TP53I11: variants seen among roughly 807,000 people sequenced by gnomAD.
The protein encoded by TP53I11 is tumor protein p53 inducible protein 11, also known as tumor protein p53-inducible protein 11.
In TP53I11, 9 loss-of-function variants were observed where a neutral mutation model predicts 23.3. That is an observed-to-expected ratio of 0.39 (90% CI 0.23 to 0.67). TP53I11 has a LOEUF of 0.67. Ranked by LOEUF, TP53I11 falls within the 30% of genes least tolerant of loss-of-function variation. The probability of loss-of-function intolerance (pLI) is 0.48; values close to 1 mark genes in which losing one functional copy is unlikely to be tolerated. For synonymous variants in TP53I11, 100 were observed against 106.1 expected, an observed-to-expected ratio of 0.94 and a Z score of 0.35; for missense variants, 170 against 255.2, an observed-to-expected ratio of 0.67 and a Z score of 2.27.
At chr11:44,949,129 CAG>C (rs1862674460) in intron 1 of TP53I11, among the ~76,000 whole-genome samples, 1 of 152,206 alleles carries the variant, frequency 6.6e-6, no homozygotes, top group South Asian at 2.1e-4. Context: ...GATGGGACAA[CAG>C]AAGCCTGGAG....
intron 1 of TP53I11, among the ~76,000 whole-genome samples, chr11:44,948,709 C>T (rs955566785): frequency 1.3e-5 from 2 of 152,246 alleles, no homozygotes; most frequent in Non-Finnish European, 2.9e-5. Flanking sequence ...TGGTGTAATG[C>T]TCACAAACAT....
Position 44,936,381 on chromosome 11 carries a change from T to A in TP53I11, c.334+422A>T. 8.1e-7 allele frequency: 1 copy of A among 1,229,240 alleles called. No homozygotes were observed. Among genetic ancestry groups the A allele is most frequent in the Admixed American group, 4.2e-5 (1 of 23,818 alleles). 76.1% of individuals were successfully genotyped at this position (1,229,240 alleles called of 1,614,324 possible). ...CAAATCCTAACGTGTGCATCTCAGG[T>A]TAGAGAGGAAACAGAAGTGGTTCAA... On this transcript the variant is annotated intron_variant, in intron 5 of 6. Coordinates refer to ENST00000525680, the MANE Select transcript of TP53I11 (RefSeq NM_006034.5). This position sits in a 1 kb window ranked among gnomAD's most constrained non-coding sequence, Gnocchi z 4.4.
Position 44,936,902 on chromosome 11 carries a change from G to T in TP53I11, c.238-3C>A, listed in dbSNP as rs1462896700. On this transcript the variant is annotated splice_polypyrimidine_tract_variant and splice_region_variant and intron_variant, in intron 4 of 6. Transcript: ENST00000525680. The surrounding 1 kb of genome is among the most constrained non-coding windows in gnomAD (Gnocchi z 4.4). The stretch of plus-strand genomic sequence containing the variant: ...AGCTGGTCAGGGAAGGCAAGCGCCT[G>T]CGGGCAGCGAGAGGGGCTCAGAGGT... 1 of 1,600,824 alleles carries T rather than the reference G, an allele frequency of 6.2e-7. No individual in the cohort carries two copies. Among genetic ancestry groups the T allele is most frequent in the Non-Finnish European group, 8.5e-7 (1 of 1,174,736 alleles).
Position 44,937,288 on chromosome 11 carries a change from G to A in TP53I11, c.237+16C>T. The A allele has an allele frequency of 1.3e-6, 2 of 1,521,478 alleles. No individual in the cohort carries two copies. Among genetic ancestry groups the A allele is most frequent in the East Asian group, 2.4e-5 (1 of 40,952 alleles). The allele number at this position is 1,521,478 out of a possible 1,614,324, so 94.2% of individuals were successfully genotyped here. Reference sequence around the variant, plus strand: ...CACACGGGGCCAGATCTCAGGGGCTGGGGGTGGGGGCTCACCATGATGGCA... The same window carrying A: ...CACACGGGGCCAGATCTCAGGGGCTAGGGGTGGGGGCTCACCATGATGGCA... On this transcript the variant is annotated intron_variant, in intron 4 of 6. Transcript: ENST00000525680.
rs1261354259 is a variant in TP53I11, at chr11:44,933,010, TGGC to T, written c.*1871_*1873del. On this transcript the variant is annotated 3_prime_UTR_variant, in exon 7 of 7. Coordinates refer to ENST00000525680, the MANE Select transcript of TP53I11 (RefSeq NM_006034.5). ...GCTTCGGCCTGAGGGCACTGCCCAT[TGGC>T]GGCACCACCTGTGGGCAGCAGCGGG... 4.0e-5 allele frequency: 5 copies of T among 124,856 alleles called. No homozygotes were observed. The highest frequency in any genetic ancestry group is 8.3e-5 in the Admixed American group (1 of 12,016). The allele number at this position is 124,856 out of a possible 1,614,324, so 7.7% of individuals were successfully genotyped here.
chr11:44,938,316 G>A lies in TP53I11; in HGVS notation c.20C>T (p.Pro7Leu), dbSNP rs1409410956. Residue 7 changes from proline (P) to leucine (L), a missense_variant, in exon 2 of 7, where the codon CCG becomes CTG. Transcript: ENST00000525680. MAAKQP[P>L]PLMKKHSQTD... ...CTGGCTGTGCTTCTTCATCAGAGGC[G>A]GGGGCTGCTTGGCCGCCATCTTCTC... is the stretch of plus-strand genomic sequence containing the variant. The A allele has an allele frequency of 1.2e-6, 2 of 1,606,672 alleles. No homozygotes were observed. The highest frequency in any genetic ancestry group is 1.1e-5 in the South Asian group (1 of 90,080).
upstream of TP53I11, chr11:44,950,983 G>C (rs1365857662): frequency 6.6e-6 from 1 of 151,924 alleles, no homozygotes; most frequent in African/African-American, 2.4e-5. Flanking sequence ...GGTGGCCGCC[G>C]GGGCGGGCGG....
In TP53I11 at chr11:44,933,046, G is replaced by GGTGCCTGTGGGAGGCAGCA. The variant is rs61352147; in HGVS notation, c.*1837_*1838insTGCTGCCTCCCACAGGCAC. The GGTGCCTGTGGGAGGCAGCA allele has an allele frequency of 6.6e-6, 1 of 152,120 alleles. No individual in the cohort carries two copies. Among genetic ancestry groups the GGTGCCTGTGGGAGGCAGCA allele is most frequent in the Non-Finnish European group, 1.5e-5 (1 of 68,056 alleles). The allele number at this position is 152,120 out of a possible 1,614,324, so 9.4% of individuals were successfully genotyped here. A position where few individuals can be genotyped will look rare whatever the true frequency, so the allele number is the denominator to read the frequency against. On this transcript the variant is annotated 3_prime_UTR_variant, in exon 7 of 7. Transcript: ENST00000525680. ...CCTGTGGGCAGCAGCGGGAGGCAGT[G>GGTGCCTGTGGGAGGCAGCA]GTGGCTCGTGGCCAGACCAGGGCTC... is the stretch of plus-strand genomic sequence containing the variant.
chr11:44,934,568 G>C lies in TP53I11; in HGVS notation c.*316C>G, dbSNP rs1860872619. On this transcript the variant is annotated 3_prime_UTR_variant, in exon 7 of 7. Transcript: ENST00000525680. ...TTAGCCCACTACCCTCATGACTCCA[G>C]CCTGACTTTAGTCAGTGTCTATTGA... 3.3e-6 allele frequency: 1 copy of C among 305,674 alleles called. No individual in the cohort carries two copies. The highest frequency in any genetic ancestry group is 4.4e-5 in the South Asian group (1 of 22,506). 18.9% of individuals were successfully genotyped at this position (305,674 alleles called of 1,614,324 possible). A position where few individuals can be genotyped will look rare whatever the true frequency, so the allele number is the denominator to read the frequency against.
chr11:44,941,570 C>T (rs1861758179), intron 1 of TP53I11, among the ~76,000 whole-genome samples: 1 of 152,122 alleles, frequency 6.6e-6, no homozygotes, highest in South Asian at 2.1e-4. Flanking sequence ...ATAAGGTGTC[C>T]TATCTTATAG....
At chr11:44,937,043 C>A in intron 4 of TP53I11, 144 bp from the exon 5 acceptor site, 1 of 732,722 alleles carries the variant, frequency 1.4e-6, no homozygotes, top group Non-Finnish European at 2.2e-6. Context: ...CCCAATTGTC[C>A]CCACCCGCCC....
rs903216205 is a variant in TP53I11, at chr11:44,936,954, C to G, written c.238-55G>C. ...CCGCTTGGGAGAGGGTGGGGGGTGACAGCTGATGCTTCCCACAGACGTCTT... is the reference window on the plus strand; with the variant it reads ...CCGCTTGGGAGAGGGTGGGGGGTGAGAGCTGATGCTTCCCACAGACGTCTT... On this transcript the variant is annotated intron_variant, in intron 4 of 6. Coordinates refer to ENST00000525680, the MANE Select transcript of TP53I11 (RefSeq NM_006034.5). This position sits in a 1 kb window ranked among gnomAD's most constrained non-coding sequence, Gnocchi z 4.4. The G allele has an allele frequency of 3.2e-6, 4 of 1,263,570 alleles. No individual in the cohort carries two copies. In the African/African-American group the frequency reaches 6.0e-5, roughly 19 times the overall value. The allele number at this position is 1,263,570 out of a possible 1,614,324, so 78.3% of individuals were successfully genotyped here. A position where few individuals can be genotyped will look rare whatever the true frequency, so the allele number is the denominator to read the frequency against.
At chr11:44,942,323 A>G in intron 1 of TP53I11, among the ~76,000 whole-genome samples, 1 of 144,072 alleles carries the variant, frequency 6.9e-6, no homozygotes, top group Non-Finnish European at 1.5e-5. Flanking sequence ...CACACATTAC[A>G]CACCATAGAC....
chr11:44,942,946 GGCC>G (rs1419739320), intron 1 of TP53I11, among the ~76,000 whole-genome samples: 1 of 152,096 alleles, frequency 6.6e-6, no homozygotes, highest in African/African-American at 2.4e-5. Flanking sequence ...TCCCCTTCAG[GGCC>G]ACTCCAGGTG....
Position 44,938,353 on chromosome 11 carries a change from C to T in TP53I11, c.-18G>A, listed in dbSNP as rs370427527. ...GCCGCCATCTTCTCCTCCAGCCCGGCCTCTGCAGAAGGGCTGAGGGGAGAC... is the reference window on the plus strand; with the variant it reads ...GCCGCCATCTTCTCCTCCAGCCCGGTCTCTGCAGAAGGGCTGAGGGGAGAC... On this transcript the variant is annotated 5_prime_UTR_variant, in exon 2 of 7. Coordinates refer to ENST00000525680, the MANE Select transcript of TP53I11 (RefSeq NM_006034.5). The T allele has an allele frequency of 5.4e-4, 854 of 1,582,292 alleles. 1 individual carries two copies. Among genetic ancestry groups the T allele is most frequent in the Non-Finnish European group, 6.8e-4 (790 of 1,165,272 alleles).
intron 1 of TP53I11, among the ~76,000 whole-genome samples, chr11:44,942,634 T>G (rs1195313571): frequency 1.3e-5 from 2 of 152,176 alleles, no homozygotes; most frequent in African/African-American, 4.8e-5. Flanking sequence ...CCACGGGCAC[T>G]GCCATCAGAC....
At chr11:44,937,515 C>A (rs762792325) in intron 3 of TP53I11, 40 bp downstream of exon 3, 6 of 1,609,952 alleles carry the variant, frequency 3.7e-6, no homozygotes, top group Non-Finnish European at 4.2e-6. Flanking sequence ...CCCACCGCCG[C>A]AGGCCTTCCC....
At chr11:44,941,612 A>G (rs114718211) in intron 1 of TP53I11, among the ~76,000 whole-genome samples, 1,590 of 152,264 alleles carry the variant, frequency 0.01, 34 homozygotes, top group African/African-American at 0.037. Flanking sequence ...TGTAATCTCC[A>G]TGAAGCCATG....
intron 1 of TP53I11, among the ~76,000 whole-genome samples, chr11:44,939,847 G>A (rs1165745267): frequency 6.6e-6 from 1 of 152,198 alleles, no homozygotes; most frequent in South Asian, 2.1e-4. Flanking sequence ...AAAAGGAGTG[G>A]ATACGCCTTT....
Sources: gnomAD v4.1 joint callset for allele counts (sites outside exome capture counted in the v4.1 genomes callset) on GRCh38, gnomAD v4.1.1 for gene constraint, Gnocchi (gnomAD v3.1) non-coding constraint, MANE v1.5 for transcripts, NCBI Gene and HGNC (gene_info 2026-07-23, HGNC 2026-07-21) for gene names.